PTPRN2: variants seen among roughly 807,000 people sequenced by gnomAD.
PTPRN2 encodes the protein receptor-type tyrosine-protein phosphatase N2.
Under a neutral mutation model 118.8 loss-of-function variants are expected in PTPRN2, and 74 were observed. The ratio of observed to expected loss-of-function variants is 0.62; its 90% CI spans 0.52 to 0.76. PTPRN2 has a LOEUF of 0.76. Ranked by LOEUF, PTPRN2 falls within the 30% of genes least tolerant of loss-of-function variation. PTPRN2 has a pLI of 0.00. For missense variants in PTPRN2, 1,481 were observed against 1,394.4 expected (o/e 1.06, Z -0.99); for synonymous variants, 641 against 608.0 (o/e 1.05, Z -0.80).
intron 1 of PTPRN2, chr7:158,532,617 C>A (rs1429357104): frequency 2.6e-6 from 1 of 379,938 alleles, no homozygotes; most frequent in Non-Finnish European, 5.3e-6. Context: ...TAAGAAAAGA[C>A]CAAAAACGTC....
At chr7:158,332,068 G>C (rs1285015076) in intron 2 of PTPRN2, among the ~76,000 whole-genome samples, 1 of 149,846 alleles carries the variant, frequency 6.7e-6, no homozygotes, top group South Asian at 2.1e-4. Flanking sequence ...ATCTGCAGAC[G>C]ACACTCACAC....
rs1398108625 is a variant in PTPRN2 at position 157,726,151 on chromosome 7, C to T, written c.1789-43214G>A. On this transcript the variant is annotated intron_variant, in intron 12 of 22. Coordinates refer to ENST00000389418, the MANE Select transcript of PTPRN2 (RefSeq NM_002847.5). ...AGAGGAATGAGCCAGACTCTCGCCT[C>T]CCAGGAAAACTGGATATCCACATGC... is the stretch of plus-strand genomic sequence containing the variant. Among the ~76,000 whole-genome samples the T allele has an allele frequency of 6.5e-5, 6 of 92,170 alleles. 1 individual carries two copies. Among genetic ancestry groups the T allele is most frequent in the Non-Finnish European group, 1.1e-4 (5 of 44,682 alleles). 60.5% of individuals were successfully genotyped at this position (92,170 alleles called of 152,430 possible).
At chr7:158,507,427 G>T (rs188229724) in intron 1 of PTPRN2, among the ~76,000 whole-genome samples, 1 of 151,940 alleles carries the variant, frequency 6.6e-6, no homozygotes, top group Non-Finnish European at 1.5e-5. Context: ...GGTCAGTGAG[G>T]ACCATCCAGG....
intron 12 of PTPRN2, among the ~76,000 whole-genome samples, chr7:157,733,373 T>C (rs868078584): frequency 3.0e-5 from 2 of 67,696 alleles, no homozygotes; most frequent in Admixed American, 1.4e-4. Context: ...CTCTTTTCCG[T>C]CCCATGCGCC....
intron 11 of PTPRN2, chr7:158,030,450 T>TG (rs34675478): frequency 0.072 from 10,918 of 152,282 alleles, 451 homozygotes; most frequent in Admixed American, 0.095. Context: ...GTCTGAGTCT[T>TG]GGCTCCAGCT....
At position 158,188,622 on chromosome 7, in the gene PTPRN2, C is replaced by G. The variant is rs1390386035; in HGVS notation, c.549+3705G>C. Reference sequence around the variant, plus strand: ...TGGGGAAGCCCGCCACGCTCGCCCCCTGATGGGGAAGGCCGCCACGCTCGC... The same window carrying G: ...TGGGGAAGCCCGCCACGCTCGCCCCGTGATGGGGAAGGCCGCCACGCTCGC... On this transcript the variant is annotated intron_variant, in intron 5 of 22. Transcript: ENST00000389418. 7.1e-4 allele frequency among the ~76,000 whole-genome samples: 62 copies of G among 87,316 alleles called. 3 individuals are homozygous for G. Among genetic ancestry groups the G allele is most frequent in the African/African-American group, 2.3e-3 (57 of 25,112 alleles). 57.3% of individuals were successfully genotyped at this position (87,316 alleles called of 152,430 possible). A position where few individuals can be genotyped will look rare whatever the true frequency, so the allele number is the denominator to read the frequency against.
At position 158,125,853 on chromosome 7, in the gene PTPRN2, C is replaced by T. The variant is rs79945402; in HGVS notation, c.1556+7824G>A. ...TTTCCTTTACTCTAACAAGGAAGGA[C>T]GAGCAGGAAGCATCAGTCCGGACCT... On this transcript the variant is annotated intron_variant, in intron 9 of 22. Transcript: ENST00000389418. 7.1e-3 allele frequency among the ~76,000 whole-genome samples: 1,075 copies of T among 152,246 alleles called. 13 individuals carry two copies. Among genetic ancestry groups the T allele is most frequent in the African/African-American group, 0.017 (721 of 41,540 alleles).
intron 2 of PTPRN2, among the ~76,000 whole-genome samples, chr7:158,412,425 T>G (rs1586610718): frequency 4.3e-5 from 4 of 92,486 alleles, no homozygotes; most frequent in African/African-American, 1.4e-4. Flanking sequence ...CCAGGGCCCA[T>G]CTCAGCACCC....
At chr7:158,262,534 TACAC>T (rs1350310826) in intron 3 of PTPRN2, among the ~76,000 whole-genome samples, 14 of 101,546 alleles carry the variant, frequency 1.4e-4, no homozygotes, top group South Asian at 6.9e-4. Context: ...ACTGCACACA[TACAC>T]ACATTCACAC....
At chr7:157,549,080 C>T (rs1798467791) in intron 21 of PTPRN2, 61 bp from the exon 22 acceptor site, 5 of 1,492,842 alleles carry the variant, frequency 3.3e-6, no homozygotes, top group Non-Finnish European at 4.7e-6. Flanking sequence ...CCACATCTGT[C>T]AATCTCCTGC....
rs571225649 is a variant in PTPRN2 at position 158,111,254 on chromosome 7, T to C, written c.1557-339A>G. 1.2e-3 allele frequency among the ~76,000 whole-genome samples: 190 copies of C among 152,272 alleles called. 1 individual carries two copies. The highest frequency in any genetic ancestry group is 4.5e-3 in the African/African-American group (185 of 41,560). On this transcript the variant is annotated intron_variant, in intron 9 of 22. Transcript: ENST00000389418. Reference sequence around the variant, plus strand: ...TCTGACTGAGGATGGGGCGGATCCATGGAGAAAGCATCTGTTTTTAATGGG... The same window carrying C: ...TCTGACTGAGGATGGGGCGGATCCACGGAGAAAGCATCTGTTTTTAATGGG...
chr7:158,543,361 G>A lies in PTPRN2; in HGVS notation c.112+44197C>T, dbSNP rs117499835. On this transcript the variant is annotated intron_variant, in intron 1 of 22. Transcript: ENST00000389418. ...AGCCACCCACAACGGCCGCCCCGCC[G>A]GCTGTTCCCAGCAGGGCTGTGCCCC... Among the ~76,000 whole-genome samples the A allele has an allele frequency of 3.3e-3, 496 of 152,338 alleles. 4 individuals carry two copies. The highest frequency in any genetic ancestry group is 0.014 in the Middle Eastern group (4 of 294).
chr7:158,357,202 A>G (rs1808456335), intron 2 of PTPRN2, among the ~76,000 whole-genome samples: 2 of 152,248 alleles, frequency 1.3e-5, no homozygotes, highest in South Asian at 4.1e-4. Context: ...GGGGGAAAGC[A>G]TCCACATTAC....
intron 12 of PTPRN2, among the ~76,000 whole-genome samples, chr7:157,791,648 TC>T (rs1804510743): frequency 6.6e-6 from 1 of 151,390 alleles, no homozygotes; most frequent in African/African-American, 2.4e-5. Flanking sequence ...TCCACACGTC[TC>T]CTAGTCACCC....
chr7:157,634,002 G>A (rs1035658211), intron 14 of PTPRN2, among the ~76,000 whole-genome samples: 1 of 152,184 alleles, frequency 6.6e-6, no homozygotes, highest in Non-Finnish European at 1.5e-5. Flanking sequence ...GGCAGTGGCT[G>A]TGGCATGGGG....
At chr7:158,584,033 CTGG>C (rs1038565308) in intron 1 of PTPRN2, among the ~76,000 whole-genome samples, 148 of 152,310 alleles carry the variant, frequency 9.7e-4, no homozygotes, top group African/African-American at 3.5e-3. Context: ...TGTGGGCTCC[CTGG>C]TGAATGAAAA....
chr7:157,670,285 C>T (rs973693777), intron 13 of PTPRN2, among the ~76,000 whole-genome samples: 2 of 152,096 alleles, frequency 1.3e-5, no homozygotes, highest in African/African-American at 4.8e-5. Context: ...CGAGAGTGAC[C>T]GACGTGCTGA....
chr7:157,804,505 A>G (rs77291546), intron 12 of PTPRN2, among the ~76,000 whole-genome samples: 2 of 151,210 alleles, frequency 1.3e-5, no homozygotes, highest in African/African-American at 2.4e-5. Flanking sequence ...CCCAGCCAAA[A>G]AGCTCTAGAT....
intron 11 of PTPRN2, among the ~76,000 whole-genome samples, chr7:158,071,607 G>A (rs1203920926): frequency 1.9e-4 from 17 of 91,204 alleles, no homozygotes; most frequent in African/African-American, 4.2e-4. Flanking sequence ...CCTGGTGGAG[G>A]TGCTCGTGGT....
Sources: allele counts gnomAD v4.1 joint callset (sites outside exome capture counted in the v4.1 genomes callset), GRCh38; gene constraint gnomAD v4.1.1; transcripts MANE v1.5; gene names NCBI Gene and HGNC (gene_info 2026-07-23, HGNC 2026-07-21).